The following PTPRD variants were observed in gnomAD, a reference collection of about 807,000 sequenced individuals.
The protein encoded by PTPRD is receptor-type tyrosine-protein phosphatase delta.
A neutral mutation model predicts 214.5 loss-of-function variants in PTPRD; 34 were observed. That is an observed-to-expected ratio of 0.16 (90% CI 0.12 to 0.21). PTPRD has a LOEUF of 0.21. Among genes scored for constraint, PTPRD ranks in the 10% least tolerant of loss-of-function variants. PTPRD has a pLI of 1.00. For synonymous variants in PTPRD, 1,128 were observed against 845.7 expected, an observed-to-expected ratio of 1.33 and a Z score of -5.79; for missense variants, 2,545 against 2,398.7, an observed-to-expected ratio of 1.06 and a Z score of -1.27.
chr9:9,427,462 G>C (rs982396922), intron 8 of PTPRD, among the ~76,000 whole-genome samples: 6 of 152,276 alleles, frequency 3.9e-5, no homozygotes, highest in Non-Finnish European at 5.9e-5. Context: ...GTGACAGGGA[G>C]AATGGAACCA....
At chr9:9,878,421 C>T (rs1301956136) in intron 5 of PTPRD, among the ~76,000 whole-genome samples, 1 of 152,068 alleles carries the variant, frequency 6.6e-6, no homozygotes, top group Non-Finnish European at 1.5e-5. Context: ...ACTGAGGGGA[C>T]ACCTGCAAAC....
At chr9:10,257,043 T>C (rs1054517029) in intron 3 of PTPRD, among the ~76,000 whole-genome samples, 1 of 152,134 alleles carries the variant, frequency 6.6e-6, no homozygotes, top group Admixed American at 6.5e-5. Context: ...AGAATCTGTT[T>C]CCTCCTCAAG....
chr9:9,243,160 T>C (rs1393871179), intron 9 of PTPRD, among the ~76,000 whole-genome samples: 1 of 151,998 alleles, frequency 6.6e-6, no homozygotes, highest in Non-Finnish European at 1.5e-5. Context: ...ACAGCAAATA[T>C]TGCTGAACAG....
At chr9:10,512,367 T>C (rs2048590442) in intron 2 of PTPRD, among the ~76,000 whole-genome samples, 1 of 151,914 alleles carries the variant, frequency 6.6e-6, no homozygotes, top group Non-Finnish European at 1.5e-5. Flanking sequence ...TGAGAGAAAG[T>C]ATACTGCCAA....
intron 11 of PTPRD, among the ~76,000 whole-genome samples, chr9:8,788,252 G>A (rs1268223345): frequency 8.7e-6 from 1 of 114,808 alleles, no homozygotes; most frequent in Non-Finnish European, 1.8e-5. Flanking sequence ...CATATAAGAT[G>A]ATTTTTTTTT....
At chr9:9,623,774 A>G (rs16929928) in intron 7 of PTPRD, among the ~76,000 whole-genome samples, 2,178 of 152,302 alleles carry the variant, frequency 0.014, 48 homozygotes, top group African/African-American at 0.05. Flanking sequence ...ATTCCACAAT[A>G]CATTGACAGT....
chr9:10,387,087 G>T (rs913902661), intron 2 of PTPRD, among the ~76,000 whole-genome samples: 4 of 151,704 alleles, frequency 2.6e-5, no homozygotes, highest in Admixed American at 6.6e-5. Context: ...AAGATTGTTC[G>T]CAAGAATCTC....
In PTPRD at chr9:10,403,945, C is replaced by G. The variant is rs1393025527; in HGVS notation, c.-599-62928G>C. Among the ~76,000 whole-genome samples, 3 of 151,534 alleles carry G rather than the reference C, an allele frequency of 2.0e-5. 1 individual carries two copies. Among genetic ancestry groups the G allele is most frequent in the Non-Finnish European group, 4.4e-5 (3 of 67,800 alleles). On this transcript the variant is annotated intron_variant, in intron 2 of 45. Transcript: ENST00000381196. ...GATACATGCCATTACAACATTAGTC[C>G]AAATCCACAGAATGTACCACAGCGA...
intron 3 of PTPRD, among the ~76,000 whole-genome samples, chr9:10,273,188 C>T (rs1385247904): frequency 2.0e-5 from 3 of 152,122 alleles, no homozygotes; most frequent in Non-Finnish European, 4.4e-5. Context: ...ATTTATGATA[C>T]ACATGAGAGC....
chr9:9,357,785 T>C (rs1449487711), intron 9 of PTPRD, among the ~76,000 whole-genome samples: 3 of 151,210 alleles, frequency 2.0e-5, no homozygotes, highest in Non-Finnish European at 4.4e-5. Context: ...TCTCAAGCAA[T>C]TGGAATATAT....
intron 9 of PTPRD, among the ~76,000 whole-genome samples, chr9:9,267,514 A>C (rs1222665239): frequency 6.6e-6 from 1 of 151,172 alleles, no homozygotes; most frequent in Non-Finnish European, 1.5e-5. Context: ...TGTTACAAGA[A>C]ATTGAAGGAA....
intron 8 of PTPRD, among the ~76,000 whole-genome samples, chr9:9,455,496 A>G (rs2092861917): frequency 6.6e-6 from 1 of 151,634 alleles, no homozygotes; most frequent in Non-Finnish European, 1.5e-5. Flanking sequence ...GAGATCTGTA[A>G]TCTTATCTCA....
chr9:10,503,429 C>G (rs1212331469), intron 2 of PTPRD, among the ~76,000 whole-genome samples: 1 of 151,686 alleles, frequency 6.6e-6, no homozygotes, highest in Non-Finnish European at 1.5e-5. Flanking sequence ...GAATAATATC[C>G]AAATAATCAA....
chr9:9,830,135 T>G (rs1338571553), intron 5 of PTPRD, among the ~76,000 whole-genome samples: 2 of 151,706 alleles, frequency 1.3e-5, no homozygotes, highest in Non-Finnish European at 2.9e-5. Flanking sequence ...TATATATCTT[T>G]TTACTTAAAA....
chr9:8,454,211 T>C (rs2096083149), intron 33 of PTPRD, among the ~76,000 whole-genome samples: 1 of 152,176 alleles, frequency 6.6e-6, no homozygotes, highest in Non-Finnish European at 1.5e-5. Context: ...TGAAAACTAA[T>C]CTTTGGTAAA....
intron 3 of PTPRD, among the ~76,000 whole-genome samples, chr9:10,079,860 G>A (rs2098204468): frequency 6.6e-6 from 1 of 151,746 alleles, no homozygotes; most frequent in African/African-American, 2.4e-5. Context: ...CACATAGTTA[G>A]ATGTTTGCTA....
intron 9 of PTPRD, among the ~76,000 whole-genome samples, chr9:9,202,113 G>A (rs1378191925): frequency 6.6e-6 from 1 of 152,202 alleles, no homozygotes; most frequent in African/African-American, 2.4e-5. Context: ...GTGTTGGGTA[G>A]CACACACAGA....
chr9:10,232,349 T>TA (rs970186662), intron 3 of PTPRD, among the ~76,000 whole-genome samples: 1 of 151,782 alleles, frequency 6.6e-6, no homozygotes, highest in African/African-American at 2.4e-5. Context: ...AAAACATTAG[T>TA]AAAAAAAGAA....
At chr9:9,760,108 G>T (rs183355674) in intron 6 of PTPRD, among the ~76,000 whole-genome samples, 7 of 152,002 alleles carry the variant, frequency 4.6e-5, no homozygotes, top group Admixed American at 4.6e-4. Flanking sequence ...GAAGGATCTC[G>T]TTACAAAGTG....
Sources: allele counts gnomAD v4.1 joint callset (sites outside exome capture counted in the v4.1 genomes callset), GRCh38; gene constraint gnomAD v4.1.1; transcripts MANE v1.5; gene names NCBI Gene and HGNC (gene_info 2026-07-23, HGNC 2026-07-21).